ANKRD6: variants seen among roughly 807,000 people sequenced by gnomAD.
ANKRD6 encodes ankyrin repeat domain 6, also known as ankyrin repeat domain-containing protein 6.
Under a neutral mutation model 82.3 loss-of-function variants are expected in ANKRD6, and 56 were observed. The observed-to-expected ratio is 0.68, with a 90% CI of 0.55 to 0.85. The LOEUF is 0.85. ANKRD6 is among the 40% of genes least tolerant of loss of function. ANKRD6 has a pLI of 0.00. For missense variants in ANKRD6, 852 were observed against 907.6 expected, an observed-to-expected ratio of 0.94 and a Z score of 0.79; for synonymous variants, 347 against 352.1, an observed-to-expected ratio of 0.99 and a Z score of 0.16.
At chr6:89,578,030 A>G (rs1791533512) in intron 2 of ANKRD6, among the ~76,000 whole-genome samples, 1 of 152,210 alleles carries the variant, frequency 6.6e-6, no homozygotes, top group Non-Finnish European at 1.5e-5. Flanking sequence ...CAGGGCCTCA[A>G]AGAGCTTGTT....
intron 1 of ANKRD6, among the ~76,000 whole-genome samples, chr6:89,523,976 A>C (rs11962279): frequency 0.15 from 23,291 of 151,994 alleles, 2,031 homozygotes; most frequent in South Asian, 0.34. Context: ...ACTCATATGC[A>C]ATTGGCTAAA....
intron 2 of ANKRD6, among the ~76,000 whole-genome samples, chr6:89,572,264 A>G (rs1289238136): frequency 6.6e-6 from 1 of 152,168 alleles, no homozygotes; most frequent in African/African-American, 2.4e-5. Context: ...GTGGACATAC[A>G]CTTTCAGCTT....
intron 2 of ANKRD6, among the ~76,000 whole-genome samples, chr6:89,571,009 G>A (rs1273402397): frequency 6.6e-6 from 1 of 152,134 alleles, no homozygotes; most frequent in Non-Finnish European, 1.5e-5. Flanking sequence ...GTGCACAAGG[G>A]TTCCCACTTT....
At chr6:89,477,588 G>A (rs1776199275) in intron 1 of ANKRD6, among the ~76,000 whole-genome samples, 1 of 151,748 alleles carries the variant, frequency 6.6e-6, no homozygotes, top group Non-Finnish European at 1.5e-5. Context: ...TGGCTAACAT[G>A]GCGAAACCTC....
chr6:89,593,709 C>T (rs1795326695), intron 2 of ANKRD6, among the ~76,000 whole-genome samples: 1 of 152,060 alleles, frequency 6.6e-6, no homozygotes, highest in African/African-American at 2.4e-5. Context: ...TTTGGGAAGA[C>T]CTTAGGGGTA....
chr6:89,631,099 T>C lies in ANKRD6; in HGVS notation c.*95T>C. On this transcript the variant is annotated 3_prime_UTR_variant, in exon 16 of 16. Coordinates refer to ENST00000339746, the MANE Select transcript of ANKRD6 (RefSeq NM_001242809.2). The stretch of plus-strand genomic sequence containing the variant: ...CCAAGGAGTCAACTATTGTATATAT[T>C]GCAGATTTGCCTTTTTAAAAAAATC... The C allele has an allele frequency of 2.1e-6, 3 of 1,412,750 alleles. No homozygotes were observed. The highest frequency in any genetic ancestry group is 2.8e-6 in the Non-Finnish European group (3 of 1,088,188). 87.5% of individuals were successfully genotyped at this position (1,412,750 alleles called of 1,614,324 possible).
intron 9 of ANKRD6, chr6:89,620,168 G>A (rs1291241358): frequency 6.6e-6 from 1 of 152,152 alleles, no homozygotes; most frequent in East Asian, 1.9e-4. Context: ...TACTACTTTT[G>A]GAGGCCTCAA....
intron 13 of ANKRD6, among the ~76,000 whole-genome samples, chr6:89,627,316 G>A (rs528981649): frequency 2.6e-5 from 4 of 152,254 alleles, no homozygotes; most frequent in African/African-American, 7.2e-5. Context: ...GGCGCACCAC[G>A]CCTGGCCTGT....
intron 1 of ANKRD6, among the ~76,000 whole-genome samples, chr6:89,471,511 A>C (rs190845877): frequency 1.3e-5 from 2 of 152,150 alleles, no homozygotes; most frequent in Admixed American, 1.3e-4. Flanking sequence ...GAGCCTGTGG[A>C]TTACCTAATG....
At chr6:89,629,607 C>T (rs886672463) in intron 15 of ANKRD6, 2 of 309,144 alleles carry the variant, frequency 6.5e-6, no homozygotes, top group African/African-American at 4.3e-5. Context: ...CCTTTTACCT[C>T]TTCCTTCTCT....
At chr6:89,629,297 C>T in intron 15 of ANKRD6, 59 bp downstream of exon 15, 1 of 1,605,744 alleles carries the variant, frequency 6.2e-7, no homozygotes, top group South Asian at 1.1e-5. Context: ...AGCTCTTGTA[C>T]TCTCCTGCAC....
At chr6:89,574,930 C>A (rs1357121259) in intron 2 of ANKRD6, among the ~76,000 whole-genome samples, 1 of 152,118 alleles carries the variant, frequency 6.6e-6, no homozygotes, top group Non-Finnish European at 1.5e-5. Flanking sequence ...CAGGAGCCTT[C>A]AGAATGAGGA....
intron 2 of ANKRD6, among the ~76,000 whole-genome samples, chr6:89,582,023 G>A (rs778207831): frequency 1.2e-4 from 19 of 152,318 alleles, no homozygotes; most frequent in Middle Eastern, 6.8e-3. Context: ...TCTCAACTGG[G>A]AAAGCTTAGG....
chr6:89,445,878 G>T (rs556108488), intron 1 of ANKRD6, among the ~76,000 whole-genome samples: 1 of 151,978 alleles, frequency 6.6e-6, no homozygotes, highest in African/African-American at 2.4e-5. Flanking sequence ...GCGCCCGGCT[G>T]ATCAGAGATC....
intron 4 of ANKRD6, among the ~76,000 whole-genome samples, chr6:89,604,479 T>C (rs202195793): frequency 6.8e-6 from 1 of 147,120 alleles, no homozygotes; most frequent in African/African-American, 2.5e-5. Context: ...TTTTTTTTTT[T>C]CTTTAAAGAG....
intron 1 of ANKRD6, among the ~76,000 whole-genome samples, chr6:89,476,791 C>T (rs1434767864): frequency 6.6e-6 from 1 of 152,188 alleles, no homozygotes; most frequent in Admixed American, 6.5e-5. Context: ...ATTCTGTGAG[C>T]ATTAGGATGT....
chr6:89,484,760 G>C (rs189644531), intron 1 of ANKRD6, among the ~76,000 whole-genome samples: 1 of 152,336 alleles, frequency 6.6e-6, no homozygotes, highest in East Asian at 1.9e-4. Context: ...CAAGCAGTCA[G>C]TCTTCTATCC....
At chr6:89,536,295 A>G (rs1476283498) in intron 1 of ANKRD6, among the ~76,000 whole-genome samples, 1 of 152,264 alleles carries the variant, frequency 6.6e-6, no homozygotes, top group Non-Finnish European at 1.5e-5. Context: ...AATAAACATT[A>G]GCACTCTTGC....
intron 1 of ANKRD6, among the ~76,000 whole-genome samples, chr6:89,516,910 C>T (rs1456557199): frequency 6.6e-6 from 1 of 152,132 alleles, no homozygotes; most frequent in Admixed American, 6.5e-5. Flanking sequence ...ACTGTGTTGC[C>T]CAGACTGGAG....
Sources: allele counts gnomAD v4.1 joint callset (sites outside exome capture counted in the v4.1 genomes callset), GRCh38; gene constraint gnomAD v4.1.1; transcripts MANE v1.5; gene names NCBI Gene and HGNC (gene_info 2026-07-23, HGNC 2026-07-21).